Variants in CRPPA observed in about 807,000 individuals in gnomAD.
CRPPA encodes D-ribitol-5-phosphate cytidylyltransferase.
In CRPPA, 43 loss-of-function variants were observed where a neutral mutation model predicts 52.0. The observed-to-expected ratio is 0.83, with a 90% CI of 0.65 to 1.07. CRPPA has a LOEUF of 1.07. Ranked by LOEUF, CRPPA falls within the 50% of genes least tolerant of loss-of-function variation. The pLI is 0.00. For synonymous variants in CRPPA, 250 were observed against 203.5 expected, an observed-to-expected ratio of 1.23 and a Z score of -1.94; for missense variants, 629 against 551.7, an observed-to-expected ratio of 1.14 and a Z score of -1.40.
chr7:16,277,524 T>C (rs916897739), intron 6 of CRPPA, among the ~76,000 whole-genome samples: 7 of 152,290 alleles, frequency 4.6e-5, no homozygotes, highest in South Asian at 4.1e-4. Flanking sequence ...AATTAAAATG[T>C]ACAAAAATAA....
chr7:16,305,818 G>C (rs1230803725), intron 4 of CRPPA, among the ~76,000 whole-genome samples: 1 of 152,164 alleles, frequency 6.6e-6, no homozygotes, highest in African/African-American at 2.4e-5. Context: ...GGAGTCGGAG[G>C]TTGCAGTGAG....
chr7:16,184,521 A>G (rs1450559778), intron 9 of CRPPA, among the ~76,000 whole-genome samples: 2 of 152,312 alleles, frequency 1.3e-5, no homozygotes, highest in East Asian at 3.9e-4. Flanking sequence ...CATGAATAGA[A>G]AGTCATATTA....
intron 2 of CRPPA, among the ~76,000 whole-genome samples, chr7:16,378,116 T>C (rs1471650321): frequency 1.3e-5 from 2 of 152,086 alleles, no homozygotes; most frequent in Admixed American, 1.3e-4. Context: ...TTTTAAATTT[T>C]ATTATTATTA....
chr7:16,208,042 C>G (rs573606956), intron 9 of CRPPA, among the ~76,000 whole-genome samples: 2 of 152,286 alleles, frequency 1.3e-5, no homozygotes, highest in South Asian at 4.1e-4. Flanking sequence ...CATGCTTTTA[C>G]TGTATGCATC....
intron 5 of CRPPA, among the ~76,000 whole-genome samples, chr7:16,287,481 G>A (rs995737502): frequency 1.3e-5 from 2 of 152,102 alleles, no homozygotes; most frequent in African/African-American, 4.8e-5. Flanking sequence ...GTTATGGATT[G>A]AACTGTGTTT....
chr7:16,258,924 A>G lies in CRPPA; in HGVS notation c.1022T>C (p.Val341Ala). ...CAATCATTTGAATTGACTTACATTCACACAAACAAAATTGTAGCATTGATC... is the reference window on the plus strand; with the variant it reads ...CAATCATTTGAATTGACTTACATTCGCACAAACAAAATTGTAGCATTGATC... ...ILDQCYNFVC[V>A]NVTTSDFQET... is the part of the protein sequence containing the mutation. Residue 341 changes from valine (V) to alanine (A), a missense_variant, in exon 7 of 10, where the codon GTG becomes GCG. Coordinates refer to ENST00000407010, the MANE Select transcript of CRPPA (RefSeq NM_001101426.4). The G allele has an allele frequency of 1.2e-6, 2 of 1,605,872 alleles. No individual in the cohort carries two copies. The highest frequency in any genetic ancestry group is 1.7e-6 in the Non-Finnish European group (2 of 1,175,006).
intron 3 of CRPPA, among the ~76,000 whole-genome samples, chr7:16,333,321 C>T (rs930208424): frequency 1.3e-5 from 2 of 152,246 alleles, no homozygotes; most frequent in South Asian, 2.1e-4. Flanking sequence ...AACACATGTG[C>T]TTCTCAGACT....
chr7:16,235,755 TC>T (rs1782933830), intron 8 of CRPPA: 1 of 152,094 alleles, frequency 6.6e-6, no homozygotes, highest in African/African-American at 2.4e-5. Flanking sequence ...ATTTTCAAGA[TC>T]CTTTTCCCTT....
chr7:16,358,522 C>T (rs1786363733), intron 3 of CRPPA, among the ~76,000 whole-genome samples: 1 of 152,142 alleles, frequency 6.6e-6, no homozygotes, highest in Non-Finnish European at 1.5e-5. Context: ...CCCCATTCAC[C>T]CCATCCACAA....
chr7:16,174,895 G>A (rs990255153), intron 9 of CRPPA, among the ~76,000 whole-genome samples: 3 of 152,112 alleles, frequency 2.0e-5, no homozygotes, highest in Non-Finnish European at 4.4e-5. Flanking sequence ...CCTACTCTTT[G>A]TCAGAGAGAA....
chr7:16,179,752 C>T (rs562714643), intron 9 of CRPPA, among the ~76,000 whole-genome samples: 1 of 152,134 alleles, frequency 6.6e-6, no homozygotes, highest in East Asian at 1.9e-4. Context: ...AACAGCAACA[C>T]GAAACTGATA....
chr7:16,366,201 A>T (rs1188020333), intron 3 of CRPPA, among the ~76,000 whole-genome samples: 1 of 152,164 alleles, frequency 6.6e-6, no homozygotes, highest in African/African-American at 2.4e-5. Context: ...TCATAAAGGC[A>T]GAGCCGTCAT....
intron 2 of CRPPA, among the ~76,000 whole-genome samples, chr7:16,391,167 T>C (rs914771339): frequency 2.0e-5 from 3 of 152,138 alleles, no homozygotes; most frequent in African/African-American, 4.8e-5. Flanking sequence ...AAAGTTTTGG[T>C]ATTACCCACT....
At chr7:16,186,533 A>G (rs1781507958) in intron 9 of CRPPA, among the ~76,000 whole-genome samples, 1 of 152,204 alleles carries the variant, frequency 6.6e-6, no homozygotes, top group African/African-American at 2.4e-5. Flanking sequence ...AATTTGTTAT[A>G]GCAACCTAAA....
chr7:16,275,995 T>A (rs1784195609), intron 6 of CRPPA, among the ~76,000 whole-genome samples: 1 of 150,958 alleles, frequency 6.6e-6, no homozygotes. Flanking sequence ...ATTAAGAAAA[T>A]GACAGAACTA....
At chr7:16,233,745 A>C (rs1352058630) in intron 8 of CRPPA, among the ~76,000 whole-genome samples, 1 of 152,196 alleles carries the variant, frequency 6.6e-6, no homozygotes, top group Non-Finnish European at 1.5e-5. Flanking sequence ...CATTTGAAGA[A>C]GCAGATACTT....
intron 9 of CRPPA, among the ~76,000 whole-genome samples, chr7:16,205,883 G>A (rs1000775635): frequency 6.6e-6 from 1 of 151,574 alleles, no homozygotes; most frequent in Non-Finnish European, 1.5e-5. Flanking sequence ...TTTAATAAAG[G>A]GATAAGAGAA....
chr7:16,383,764 T>C (rs918476810), intron 2 of CRPPA, among the ~76,000 whole-genome samples: 3 of 152,244 alleles, frequency 2.0e-5, no homozygotes, highest in South Asian at 2.1e-4. Flanking sequence ...GCGCTAGCAA[T>C]CAGCGAGACT....
intron 2 of CRPPA, among the ~76,000 whole-genome samples, chr7:16,389,234 T>C (rs1449097953): frequency 6.6e-6 from 1 of 152,158 alleles, no homozygotes; most frequent in Non-Finnish European, 1.5e-5. Context: ...AGAGAATGCT[T>C]CCCAACTCAT....
Sources: gnomAD v4.1 joint callset for allele counts (sites outside exome capture counted in the v4.1 genomes callset) on GRCh38, gnomAD v4.1.1 for gene constraint, MANE v1.5 for transcripts, NCBI Gene and HGNC (gene_info 2026-07-23, HGNC 2026-07-21) for gene names.